UGGT1: variants seen among roughly 807,000 people sequenced by gnomAD.
The protein encoded by UGGT1 is UDP-glucose:glycoprotein glucosyltransferase 1.
UGGT1 carries 107 observed loss-of-function variants against 203.9 expected under a neutral mutation model. The ratio of observed to expected loss-of-function variants is 0.52; its 90% confidence interval spans 0.45 to 0.62. UGGT1 has a LOEUF of 0.62. Ranked by LOEUF, UGGT1 falls within the 20% of genes least tolerant of loss-of-function variation. UGGT1 has a pLI of 0.00. For missense variants in UGGT1, 1,673 were observed against 1,867.2 expected (o/e 0.90, Z 1.92); for synonymous variants, 628 against 653.5 (o/e 0.96, Z 0.59).
chr2:128,155,247 G>A (rs1690171157), intron 19 of UGGT1, among the ~76,000 whole-genome samples: 1 of 152,158 alleles, frequency 6.6e-6, no homozygotes, highest in African/African-American at 2.4e-5. Flanking sequence ...CCATTAAACT[G>A]ACACATACTT....
At chr2:128,166,608 A>AT (rs1275249804) in intron 26 of UGGT1, among the ~76,000 whole-genome samples, 1 of 151,730 alleles carries the variant, frequency 6.6e-6, no homozygotes. Flanking sequence ...GTTCTTTGCC[A>AT]TTTTTTTTCC....
intron 7 of UGGT1, 64 bp from the exon 8 acceptor site, chr2:128,116,201 T>A: frequency 9.8e-7 from 1 of 1,023,140 alleles, no homozygotes; most frequent in Non-Finnish European, 1.5e-6. Flanking sequence ...TTTATGAGAC[T>A]AGTAACGTTT....
intron 8 of UGGT1, among the ~76,000 whole-genome samples, chr2:128,117,574 T>C (rs1405570208): frequency 1.4e-5 from 2 of 146,530 alleles, no homozygotes; most frequent in African/African-American, 5.0e-5. Context: ...GACGGAGTCT[T>C]GCTCTGTTGC....
At position 128,187,576 on chromosome 2, in the gene UGGT1, C is replaced by T; in HGVS notation, c.4604C>T (p.Ala1535Val). 1.2e-6 allele frequency: 2 copies of T among 1,613,854 alleles called. No individual in the cohort carries two copies. The highest frequency in any genetic ancestry group is 2.2e-5 in the East Asian group (1 of 44,878). ...IRFQKEKETG[A>V]LYKEKTKEPS... The stretch of plus-strand genomic sequence containing the variant: ...TTTCAGAAGGAGAAAGAAACGGGAG[C>T]ACTGTACAAAGAGAAGACAAAAGAA... The change falls in exon 40 of 41, where the codon GCA becomes GTA. Residue 1535 changes from alanine to valine, a missense_variant. By Grantham distance (64) the Ala-to-Val change is moderately conservative (BLOSUM62 0). Around this residue, in one of 4 missense-constraint regions of UGGT1, gnomAD observed 513 missense variants for 684.1 expected, o/e 0.75. Transcript: ENST00000259253.
chr2:128,126,008 T>G (rs1688581242), intron 11 of UGGT1, among the ~76,000 whole-genome samples: 1 of 151,316 alleles, frequency 6.6e-6, no homozygotes, highest in African/African-American at 2.4e-5. Flanking sequence ...AGTGGCATGA[T>G]CTCAGCTCAC....
chr2:128,121,290 C>G lies in UGGT1; in HGVS notation c.1065C>G (p.Thr355=). The part of the protein sequence containing the change: ...VMKDLSQNFP[T]KARAITKTAV... ...AGGATCTTAGTCAGAATTTTCCTAC[C>G]AAAGCCAGGTAATGTAGAATAATGC... The change falls in exon 10 of 41, where the codon ACC becomes ACG. Residue 355 remains threonine (T), a synonymous_variant. Transcript: ENST00000259253. The G allele has an allele frequency of 6.2e-7, 1 of 1,609,078 alleles. No individual in the cohort carries two copies. Among genetic ancestry groups the G allele is most frequent in the South Asian group, 1.1e-5 (1 of 90,080 alleles).
intron 15 of UGGT1, among the ~76,000 whole-genome samples, chr2:128,136,145 A>G (rs1432701603): frequency 6.6e-6 from 1 of 152,234 alleles, no homozygotes. Context: ...GGAGAGAGCC[A>G]GGCATACAGG....
At chr2:128,136,701 T>A (rs1430869243) in intron 15 of UGGT1, among the ~76,000 whole-genome samples, 1 of 152,242 alleles carries the variant, frequency 6.6e-6, no homozygotes, top group Admixed American at 6.5e-5. Flanking sequence ...TGTGGACATG[T>A]CTACAGCTTC....
rs1692297684 is a variant in UGGT1, at chr2:128,192,225, G to C, written c.*2483G>C. 1 of 150,500 alleles carries C rather than the reference G, an allele frequency of 6.6e-6. No individual in the cohort carries two copies. The highest frequency in any genetic ancestry group is 2.4e-5 in the African/African-American group (1 of 40,828). 9.3% of individuals were successfully genotyped at this position (150,500 alleles called of 1,614,324 possible). A position where few individuals can be genotyped will look rare whatever the true frequency, so the allele number is the denominator to read the frequency against. On this transcript the variant is annotated 3_prime_UTR_variant, in exon 41 of 41. Coordinates refer to ENST00000259253, the MANE Select transcript of UGGT1 (RefSeq NM_020120.4). ...TTGACTCTGAATAATGCAAAACCCAGCTTGCTTCCAGAATGGCCTAGGACC... is the reference window on the plus strand; with the variant it reads ...TTGACTCTGAATAATGCAAAACCCACCTTGCTTCCAGAATGGCCTAGGACC...
At chr2:128,166,891 T>C (rs549645776) in intron 26 of UGGT1, among the ~76,000 whole-genome samples, 3 of 152,294 alleles carry the variant, frequency 2.0e-5, no homozygotes, top group South Asian at 2.1e-4. Flanking sequence ...GATTGGACTT[T>C]GGTTTAGTGG....
Position 128,156,420 on chromosome 2 carries a change from C to G in UGGT1, c.2260+5C>G. 6.3e-7 allele frequency: 1 copy of G among 1,590,018 alleles called. No individual in the cohort carries two copies. On this transcript the variant is annotated splice_donor_5th_base_variant and intron_variant, in intron 21 of 40. Coordinates refer to ENST00000259253, the MANE Select transcript of UGGT1 (RefSeq NM_020120.4). ...TGTCCTCCAAGGAAATCTATGGTAA[C>G]TTAAAACTTCAGAATGTTCTATTTC...
chr2:128,159,926 GT>G (rs1350115810), intron 23 of UGGT1, among the ~76,000 whole-genome samples: 8 of 152,018 alleles, frequency 5.3e-5, no homozygotes, highest in Non-Finnish European at 1.2e-4. Flanking sequence ...GTTTTTGTGT[GT>G]TTTAAGTATG....
At position 128,173,787 on chromosome 2, in the gene UGGT1, A is replaced by G; in HGVS notation, c.3301A>G (p.Ser1101Gly). 1 of 1,613,790 alleles carries G rather than the reference A, an allele frequency of 6.2e-7. No homozygotes were observed. Among genetic ancestry groups the G allele is most frequent in the Non-Finnish European group, 8.5e-7 (1 of 1,179,862 alleles). Residue 1101 changes from serine (S) to glycine (G), a missense_variant, in exon 30 of 41, where the codon AGT (serine) becomes GGT (glycine). Ser to Gly is a moderately conservative substitution (Grantham distance 56, BLOSUM62 0). Transcript: ENST00000259253. Reference sequence around the variant, plus strand: ...ATTGGATTTTGGCTTGCAGGTGGACAGTGTAGTGGCTGCTGAGTATGAGCT... The same window carrying G: ...ATTGGATTTTGGCTTGCAGGTGGACGGTGTAGTGGCTGCTGAGTATGAGCT... ...LDNIYLEEVDSVVAAEYELEY... is the reference protein window; with the variant it reads ...LDNIYLEEVDGVVAAEYELEY...
chr2:128,136,745 T>G (rs572679077), intron 15 of UGGT1, among the ~76,000 whole-genome samples: 1 of 152,228 alleles, frequency 6.6e-6, no homozygotes, highest in South Asian at 2.1e-4. Context: ...GATTGCTGCA[T>G]CGTGTGTTAA....
chr2:128,095,377 C>CCCTTCCCCTTCT lies in UGGT1; in HGVS notation c.59-2041_59-2040insTCCTTCCCCTTC, dbSNP rs1170180709. Among the ~76,000 whole-genome samples, 546 of 148,556 alleles carry CCCTTCCCCTTCT rather than the reference C, an allele frequency of 3.7e-3. 5 individuals are homozygous for CCCTTCCCCTTCT. Among genetic ancestry groups the CCCTTCCCCTTCT allele is most frequent in the African/African-American group, 0.012 (475 of 40,030 alleles). On this transcript the variant is annotated intron_variant, in intron 1 of 40. Coordinates refer to ENST00000259253, the MANE Select transcript of UGGT1 (RefSeq NM_020120.4). ...CTCCTTCCTCTTCTTCTTCCTCTTCCCCTTCCCCTTCCCCTTCTCCTTCCC... is the reference window on the plus strand; with the variant it reads ...CTCCTTCCTCTTCTTCTTCCTCTTCCCCTTCCCCTTCTCCTTCCCCTTCCCCTTCTCCTTCCC...
In UGGT1 at chr2:128,172,576, T is replaced by G; in HGVS notation, c.3108T>G (p.Phe1036Leu). The change falls in exon 29 of 41, where the codon TTT becomes TTG. Residue 1036 changes from phenylalanine to leucine, a missense_variant. Physicochemically the swap from Phe to Leu is conservative, Grantham distance 22. Transcript: ENST00000259253. ...ACACTTTCCTTTTCAATTTCAGCTTTTACCGTTATGTCTTAGAACCAGAGA... is the reference window on the plus strand; with the variant it reads ...ACACTTTCCTTTTCAATTTCAGCTTGTACCGTTATGTCTTAGAACCAGAGA... ...SKLSDMPLKS[F>L]YRYVLEPEIS... 1 of 1,613,962 alleles carries G rather than the reference T, an allele frequency of 6.2e-7. No individual in the cohort carries two copies. Among genetic ancestry groups the G allele is most frequent in the Non-Finnish European group, 8.5e-7 (1 of 1,179,984 alleles).
intron 26 of UGGT1, among the ~76,000 whole-genome samples, chr2:128,168,659 T>C (rs1292147290): frequency 6.6e-6 from 1 of 152,208 alleles, no homozygotes; most frequent in Non-Finnish European, 1.5e-5. Context: ...TGAGTCCTTT[T>C]AAAAGTTCAT....
chr2:128,178,049 C>A, intron 33 of UGGT1, 129 bp downstream of exon 33: 1 of 763,244 alleles, frequency 1.3e-6, no homozygotes, highest in Non-Finnish European at 2.1e-6. Context: ...CTACATCTCA[C>A]ACTTATATTT....
chr2:128,168,321 T>G (rs1383536259), intron 26 of UGGT1, among the ~76,000 whole-genome samples: 1 of 152,224 alleles, frequency 6.6e-6, no homozygotes, highest in African/African-American at 2.4e-5. Context: ...GGCAGTGGAC[T>G]TAATCTGAAA....
Sources: allele counts gnomAD v4.1 joint callset (sites outside exome capture counted in the v4.1 genomes callset), GRCh38; gene constraint gnomAD v4.1.1; regional missense constraint gnomAD v4.1.1; transcripts MANE v1.5; gene names NCBI Gene and HGNC (gene_info 2026-07-23, HGNC 2026-07-21).